The following ARHGAP18 variants were observed in gnomAD, a reference collection of about 807,000 sequenced individuals.
ARHGAP18 encodes the protein Rho GTPase activating protein 18, also known as rho GTPase-activating protein 18.
Under a neutral mutation model 86.2 loss-of-function variants are expected in ARHGAP18, and 67 were observed. The observed-to-expected ratio is 0.78, with a 90% confidence interval of 0.64 to 0.95. ARHGAP18 has a LOEUF of 0.95. Ranked by LOEUF, ARHGAP18 falls within the 40% of genes least tolerant of loss-of-function variation. The pLI, the probability that ARHGAP18 is intolerant of heterozygous loss-of-function variation, is 0.00. For missense variants in ARHGAP18, 691 were observed against 780.4 expected, an observed-to-expected ratio of 0.89 and a Z score of 1.37; for synonymous variants, 283 against 280.4, an observed-to-expected ratio of 1.01 and a Z score of -0.09.
chr6:129,595,315 A>T (rs1045037197), intron 12 of ARHGAP18, among the ~76,000 whole-genome samples: 2 of 152,186 alleles, frequency 1.3e-5, no homozygotes, highest in Non-Finnish European at 2.9e-5. Context: ...GTACACTTTC[A>T]TGGTATTTCG....
intron 1 of ARHGAP18, among the ~76,000 whole-genome samples, chr6:129,681,270 G>A (rs1175418843): frequency 1.3e-5 from 2 of 152,144 alleles, no homozygotes; most frequent in African/African-American, 2.4e-5. Flanking sequence ...TAGAGACAGG[G>A]TTTTACTATG....
At chr6:129,665,316 G>T (rs768980942) in intron 1 of ARHGAP18, among the ~76,000 whole-genome samples, 6 of 152,130 alleles carry the variant, frequency 3.9e-5, no homozygotes, top group Non-Finnish European at 7.4e-5. Context: ...AGCCTGAGGC[G>T]GGTAGATCGC....
At chr6:129,704,593 C>T (rs537208029) in intron 1 of ARHGAP18, among the ~76,000 whole-genome samples, 1 of 152,264 alleles carries the variant, frequency 6.6e-6, no homozygotes, top group South Asian at 2.1e-4. Context: ...CTTGAATCTT[C>T]AGGTATTCTC....
Position 129,625,208 on chromosome 6 carries a change from G to C in ARHGAP18, c.786+4145C>G, listed in dbSNP as rs867712268. On this transcript the variant is annotated intron_variant, in intron 5 of 14. Coordinates refer to ENST00000368149, the MANE Select transcript of ARHGAP18 (RefSeq NM_033515.3). ...TATTATATATGATATATATTTATAT[G>C]TAATATATATGATATATGATATATG... Among the ~76,000 whole-genome samples, 2 of 45,414 alleles carry C rather than the reference G, an allele frequency of 4.4e-5. 1 individual carries two copies. Among genetic ancestry groups the C allele is most frequent in the Non-Finnish European group, 7.2e-5 (2 of 27,722 alleles). 29.8% of individuals were successfully genotyped at this position (45,414 alleles called of 152,430 possible).
chr6:129,593,222 G>A (rs1330464348), intron 12 of ARHGAP18, among the ~76,000 whole-genome samples: 1 of 152,104 alleles, frequency 6.6e-6, no homozygotes, highest in Admixed American at 6.6e-5. Context: ...AGGTGTGAAA[G>A]GCTGAGGAGG....
chr6:129,626,045 C>G (rs1386771734), intron 5 of ARHGAP18, among the ~76,000 whole-genome samples: 1 of 102,962 alleles, frequency 9.7e-6, no homozygotes, highest in Non-Finnish European at 1.8e-5. Context: ...TATATACACA[C>G]ACACATATAT....
At chr6:129,625,151 ATATAGATATATAT>A (rs1415962907) in intron 5 of ARHGAP18, among the ~76,000 whole-genome samples, 95 of 4,596 alleles carry the variant, frequency 0.021, 21 homozygotes, top group African/African-American at 0.11. Context: ...ATTATATATT[ATATAGATATATAT>A]TATATATGAT....
At chr6:129,583,188 G>T (rs1229757742) in intron 13 of ARHGAP18, among the ~76,000 whole-genome samples, 1 of 152,134 alleles carries the variant, frequency 6.6e-6, no homozygotes, top group East Asian at 1.9e-4. Context: ...CCAATGCCCT[G>T]GATGTCCCTC....
At chr6:129,693,975 G>A (rs1260244749) in intron 1 of ARHGAP18, among the ~76,000 whole-genome samples, 1 of 152,186 alleles carries the variant, frequency 6.6e-6, no homozygotes, top group Non-Finnish European at 1.5e-5. Context: ...GCAGAATTTT[G>A]TAGAAGTATT....
chr6:129,697,407 G>T (rs903123040), intron 1 of ARHGAP18, among the ~76,000 whole-genome samples: 15 of 151,490 alleles, frequency 9.9e-5, no homozygotes, highest in African/African-American at 3.6e-4. Flanking sequence ...GTCACACACT[G>T]GTAGTGCCTG....
At chr6:129,661,739 G>C in intron 1 of ARHGAP18, 1 of 333,172 alleles carries the variant, frequency 3.0e-6, no homozygotes, top group South Asian at 1.2e-4. Flanking sequence ...TGAGATTCAT[G>C]TGATGTCTCT....
Position 129,599,335 on chromosome 6 carries a change from G to A in ARHGAP18, c.1594C>T (p.Gln532Ter). ...LWTIPKFIVN[Q>*]VRKQNTENHK... Reference sequence around the variant, plus strand: ...TTTTCCGTGTTTTGCTTCCTCACTTGGTTTACAATAAACTTGGGAATCTAT... The same window carrying A: ...TTTTCCGTGTTTTGCTTCCTCACTTAGTTTACAATAAACTTGGGAATCTAT... The change falls in exon 12 of 15, where the codon CAA (glutamine) becomes TAA (stop). Residue 532 changes from glutamine (Q) to a stop codon, truncating the protein, a stop_gained. Transcript: ENST00000368149. LOFTEE classifies it high-confidence loss of function. 1 of 1,559,488 alleles carries A rather than the reference G, an allele frequency of 6.4e-7. No homozygotes were observed. The highest frequency in any genetic ancestry group is 2.3e-5 in the East Asian group (1 of 42,656).
At chr6:129,651,941 C>A (rs1195822635) in intron 1 of ARHGAP18, among the ~76,000 whole-genome samples, 1 of 152,222 alleles carries the variant, frequency 6.6e-6, no homozygotes, top group Non-Finnish European at 1.5e-5. Context: ...CCCCAGATGG[C>A]AGCCTCGCCT....
At chr6:129,665,810 T>A (rs1037064791) in intron 1 of ARHGAP18, among the ~76,000 whole-genome samples, 3 of 152,044 alleles carry the variant, frequency 2.0e-5, no homozygotes, top group African/African-American at 7.2e-5. Context: ...TTTTCACCTG[T>A]GAATGAGAGA....
intron 1 of ARHGAP18, among the ~76,000 whole-genome samples, chr6:129,683,680 A>G (rs546010916): frequency 1.8e-4 from 27 of 152,358 alleles, no homozygotes; most frequent in African/African-American, 6.3e-4. Flanking sequence ...TGGAGATGGC[A>G]AAATCTTTCC....
At chr6:129,584,280 T>G (rs1000527800) in intron 12 of ARHGAP18, among the ~76,000 whole-genome samples, 168 bp from the exon 13 acceptor site, 1 of 152,168 alleles carries the variant, frequency 6.6e-6, no homozygotes, top group Non-Finnish European at 1.5e-5. Flanking sequence ...ACCTCAAATA[T>G]CCTCTTAATG....
At chr6:129,629,245 CTCTATA>C (rs1283431490) in intron 5 of ARHGAP18, 102 bp downstream of exon 5, 62 of 884,018 alleles carry the variant, frequency 7.0e-5, no homozygotes, top group Middle Eastern at 3.8e-4. Flanking sequence ...CTCTCTCTCT[CTCTATA>C]TATATATATA....
In ARHGAP18 at chr6:129,625,158, T is replaced by TATG. The variant is rs1554335982; in HGVS notation, c.786+4194_786+4195insCAT. The stretch of plus-strand genomic sequence containing the variant: ...TGATATATATTATATATTATATAGA[T>TATG]ATATATTATATATGATATATTATAT... On this transcript the variant is annotated intron_variant, in intron 5 of 14. Transcript: ENST00000368149. Among the ~76,000 whole-genome samples, 145 of 53,306 alleles carry TATG rather than the reference T, an allele frequency of 2.7e-3. 27 individuals are homozygous for TATG. Among genetic ancestry groups the TATG allele is most frequent in the African/African-American group, 0.013 (137 of 10,740 alleles). 35.0% of individuals were successfully genotyped at this position (53,306 alleles called of 152,430 possible). A position where few individuals can be genotyped will look rare whatever the true frequency, so the allele number is the denominator to read the frequency against.
intron 4 of ARHGAP18, among the ~76,000 whole-genome samples, chr6:129,631,076 C>CT (rs1773193702): frequency 6.6e-6 from 1 of 152,130 alleles, no homozygotes; most frequent in Non-Finnish European, 1.5e-5. Flanking sequence ...CAAAGCACAA[C>CT]TTTAATTTTA....
Sources: allele counts gnomAD v4.1 joint callset (sites outside exome capture counted in the v4.1 genomes callset), GRCh38; gene constraint gnomAD v4.1.1; transcripts MANE v1.5; gene names NCBI Gene and HGNC (gene_info 2026-07-23, HGNC 2026-07-21).